Variants in ANO3 observed in about 807,000 individuals in gnomAD.
ANO3 encodes anoctamin-3.
Under a neutral mutation model 144.8 loss-of-function variants are expected in ANO3, and 99 were observed. That is an observed-to-expected ratio of 0.68 (90% CI 0.58 to 0.81). The LOEUF is 0.81. ANO3 is among the 30% of genes least tolerant of loss of function. ANO3 has a pLI of 0.00. For missense variants in ANO3, 905 were observed against 1,202.2 expected (o/e 0.75, Z 3.66); for synonymous variants, 414 against 392.6 (o/e 1.05, Z -0.64).
At chr11:26,385,125 G>T (rs1187555811) in intron 1 of ANO3, among the ~76,000 whole-genome samples, 2 of 152,090 alleles carry the variant, frequency 1.3e-5, no homozygotes. Context: ...TACATGAAAA[G>T]ATCAATTAAG....
At chr11:26,561,769 T>A (rs1464388929) in intron 14 of ANO3, among the ~76,000 whole-genome samples, 1 of 152,004 alleles carries the variant, frequency 6.6e-6, no homozygotes. Flanking sequence ...TTTCTGATTG[T>A]TGATGTGGAA....
chr11:26,393,829 A>G (rs2133965472), intron 1 of ANO3, among the ~76,000 whole-genome samples: 1 of 152,296 alleles, frequency 6.6e-6, no homozygotes, highest in Non-Finnish European at 1.5e-5. Flanking sequence ...TAAATAGTTG[A>G]TGCACATACT....
At chr11:26,333,528 C>G (rs535178810) in intron 1 of ANO3, among the ~76,000 whole-genome samples, 1 of 152,110 alleles carries the variant, frequency 6.6e-6, no homozygotes, top group Non-Finnish European at 1.5e-5. Context: ...GTGATCCGCC[C>G]GCCTTAGCCT....
chr11:26,306,701 T>C (rs1459210605), upstream of ANO3, among the ~76,000 whole-genome samples: 1 of 152,168 alleles, frequency 6.6e-6, no homozygotes, highest in African/African-American at 2.4e-5. Context: ...AAACCGGAAT[T>C]GCCCCCAAAA....
In ANO3 at chr11:26,378,349, A is replaced by T. The variant is rs372951667; in HGVS notation, c.46+46028A>T. On this transcript the variant is annotated intron_variant, in intron 1 of 26. Transcript: ENST00000256737. The stretch of plus-strand genomic sequence containing the variant: ...TCTATATTAACTATAGATTATATAT[A>T]TCTATAAATATCTATATATTATCTA... Among the ~76,000 whole-genome samples, 92 of 148,180 alleles carry T rather than the reference A, an allele frequency of 6.2e-4. 1 individual carries two copies. In the East Asian group the frequency reaches 0.015, roughly 25 times the overall value.
chr11:26,280,698 G>T (rs10834948), intron 1 of ANO3, among the ~76,000 whole-genome samples: 27,064 of 151,960 alleles, frequency 0.18, 2,691 homozygotes, highest in African/African-American at 0.28. Flanking sequence ...AGGAAAATAC[G>T]TTGCATCCTT....
intron 4 of ANO3, among the ~76,000 whole-genome samples, chr11:26,497,509 T>C (rs1861012947): frequency 6.6e-6 from 1 of 152,058 alleles, no homozygotes; most frequent in African/African-American, 2.4e-5. Context: ...TTGTAAAAAG[T>C]TTTTCTTTGT....
chr11:26,257,428 C>T (rs1267648341), intron 1 of ANO3, among the ~76,000 whole-genome samples: 1 of 151,972 alleles, frequency 6.6e-6, no homozygotes, highest in African/African-American at 2.4e-5. Context: ...ATGTTGTCTC[C>T]CAACAGTTAA....
chr11:26,598,521 C>A (rs1191545195), intron 15 of ANO3, 74 bp downstream of exon 15: 2 of 1,049,850 alleles, frequency 1.9e-6, no homozygotes, highest in Admixed American at 2.4e-5. Context: ...CCCTAGCATT[C>A]CGGCTGGAAG....
chr11:26,356,802 T>C (rs550252453), intron 1 of ANO3, among the ~76,000 whole-genome samples: 10 of 152,306 alleles, frequency 6.6e-5, no homozygotes, highest in Admixed American at 3.3e-4. Flanking sequence ...TTTCAACTTC[T>C]AGTGGCTGCC....
At chr11:26,324,398 C>A (rs1409939583) in intron 1 of ANO3, among the ~76,000 whole-genome samples, 1 of 152,162 alleles carries the variant, frequency 6.6e-6, no homozygotes, top group Non-Finnish European at 1.5e-5. Flanking sequence ...AAAATACACA[C>A]TGAGACCCTC....
At chr11:26,389,369 C>T (rs1856817952) in intron 1 of ANO3, among the ~76,000 whole-genome samples, 1 of 151,888 alleles carries the variant, frequency 6.6e-6, no homozygotes, top group Admixed American at 6.6e-5. Flanking sequence ...TCATAGGTAC[C>T]TACCTTATAA....
chr11:26,322,020 G>A (rs10501045), intron 1 of ANO3, among the ~76,000 whole-genome samples: 37,280 of 151,728 alleles, frequency 0.25, 5,061 homozygotes, highest in South Asian at 0.32. Flanking sequence ...ATCCTATCAT[G>A]TCTTCTTATA....
Position 26,553,242 on chromosome 11 carries a change from T to TTTTTA in ANO3, c.1290-7_1290-6insTTTTA. 1 of 1,429,470 alleles carries TTTTTA rather than the reference T, an allele frequency of 7.0e-7. No homozygotes were observed. Among genetic ancestry groups the TTTTTA allele is most frequent in the Non-Finnish European group, 9.8e-7 (1 of 1,024,182 alleles). The allele number at this position is 1,429,470 out of a possible 1,614,324, so 88.5% of individuals were successfully genotyped here. A position where few individuals can be genotyped will look rare whatever the true frequency, so the allele number is the denominator to read the frequency against. ...TTGTTTTGTTTTTGTTTTTGTTTTT[T>TTTTTA]CTCAAGCCAAGAAATTTGTAAAGCC... On this transcript the variant is annotated splice_polypyrimidine_tract_variant and splice_region_variant and intron_variant, in intron 12 of 26. Transcript: ENST00000256737.
At chr11:26,565,166 T>A (rs1590547017) in intron 14 of ANO3, 1 of 1,499,786 alleles carries the variant, frequency 6.7e-7, no homozygotes, top group Non-Finnish European at 8.9e-7. Context: ...TATATTTACC[T>A]TTTTGGGGAT....
intron 1 of ANO3, among the ~76,000 whole-genome samples, chr11:26,430,159 G>T (rs1858040321): frequency 6.6e-6 from 1 of 151,836 alleles, no homozygotes; most frequent in Non-Finnish European, 1.5e-5. Context: ...TACTCGAGAG[G>T]GTGAGGTAGG....
intron 1 of ANO3, among the ~76,000 whole-genome samples, chr11:26,400,869 C>T (rs1487622880): frequency 6.6e-6 from 1 of 151,646 alleles, no homozygotes; most frequent in African/African-American, 2.4e-5. Flanking sequence ...GACACACACA[C>T]ACACAAACAT....
At chr11:26,456,005 A>G in intron 3 of ANO3, among the ~76,000 whole-genome samples, 1 of 151,494 alleles carries the variant, frequency 6.6e-6, no homozygotes, top group Non-Finnish European at 1.5e-5. Flanking sequence ...TGGTGCTGGG[A>G]AAACTGGCTA....
intron 1 of ANO3, among the ~76,000 whole-genome samples, chr11:26,343,628 A>G (rs968340020): frequency 1.7e-4 from 26 of 152,212 alleles, no homozygotes; most frequent in East Asian, 1.9e-4. Context: ...CAGACTGAAC[A>G]TATCAACATA....
Sources: allele counts gnomAD v4.1 joint callset (sites outside exome capture counted in the v4.1 genomes callset), GRCh38; gene constraint gnomAD v4.1.1; transcripts MANE v1.5; gene names NCBI Gene and HGNC (gene_info 2026-07-23, HGNC 2026-07-21).